PCDHA6: variants seen among roughly 807,000 people sequenced by gnomAD.
PCDHA6 encodes protocadherin alpha 6.
A neutral mutation model predicts 60.3 loss-of-function variants in PCDHA6; 55 were observed. The ratio of observed to expected loss-of-function variants is 0.91; its 90% CI spans 0.73 to 1.14. The LOEUF is 1.14. Ranked by LOEUF, PCDHA6 falls within the 50% of genes most tolerant of loss-of-function variation. The pLI is 0.00. For synonymous variants in PCDHA6, 652 were observed against 557.9 expected (o/e 1.17, Z -2.38); for missense variants, 1,327 against 1,256.5 (o/e 1.06, Z -0.85).
At chr5:140,925,257 C>A (rs1336613869) in intron 1 of PCDHA6, among the ~76,000 whole-genome samples, 2 of 152,110 alleles carry the variant, frequency 1.3e-5, no homozygotes, top group East Asian at 3.8e-4. Context: ...AACTTTAATT[C>A]TTGATCTGTG....
At chr5:140,916,296 G>C (rs2077516868) in intron 1 of PCDHA6, among the ~76,000 whole-genome samples, 1 of 152,094 alleles carries the variant, frequency 6.6e-6, no homozygotes, top group Admixed American at 6.5e-5. Flanking sequence ...TGGCCAAACT[G>C]GTACCAAAGG....
intron 1 of PCDHA6, chr5:140,835,028 C>A (rs2150229925): frequency 7.5e-7 from 1 of 1,326,582 alleles, no homozygotes; most frequent in Non-Finnish European, 1.0e-6. Flanking sequence ...TCACGGCCAC[C>A]GATGGAGGCA....
chr5:140,987,106 C>T (rs113308102), intron 3 of PCDHA6, among the ~76,000 whole-genome samples: 4,830 of 151,440 alleles, frequency 0.032, 263 homozygotes, highest in African/African-American at 0.11. Context: ...CCCAGCTACT[C>T]GGGAGGCTGA....
chr5:140,863,186 TG>T, intron 1 of PCDHA6: 1 of 771,164 alleles, frequency 1.3e-6, no homozygotes, highest in Non-Finnish European at 2.2e-6. Flanking sequence ...ACCGTCACCG[TG>T]GTGGCGTCGC....
intron 1 of PCDHA6, among the ~76,000 whole-genome samples, chr5:140,933,686 C>T (rs186587135): frequency 6.6e-6 from 1 of 151,890 alleles, no homozygotes; most frequent in Non-Finnish European, 1.5e-5. Flanking sequence ...ATTTTTTTTC[C>T]TATTCCTCGG....
At chr5:140,903,321 T>A (rs2070191003) in intron 1 of PCDHA6, among the ~76,000 whole-genome samples, 1 of 152,174 alleles carries the variant, frequency 6.6e-6, no homozygotes, top group Non-Finnish European at 1.5e-5. Flanking sequence ...GACAGCATTT[T>A]TATTGAGGAA....
intron 1 of PCDHA6, among the ~76,000 whole-genome samples, chr5:140,854,934 C>G (rs1363898254): frequency 6.7e-6 from 1 of 149,702 alleles, no homozygotes; most frequent in Non-Finnish European, 1.5e-5. Flanking sequence ...CCTCTGAAAG[C>G]AGAAATAATA....
chr5:140,881,369 T>C (rs2058687376), intron 1 of PCDHA6: 2 of 985,186 alleles, frequency 2.0e-6, no homozygotes, highest in Non-Finnish European at 2.4e-6. Flanking sequence ...TTCGTATGAA[T>C]TGCAGCCGGC....
At chr5:140,985,491 G>C (rs1288786153) in intron 3 of PCDHA6, among the ~76,000 whole-genome samples, 3 of 152,166 alleles carry the variant, frequency 2.0e-5, no homozygotes, top group African/African-American at 7.2e-5. Flanking sequence ...GACTCAAATA[G>C]AGCCTGCCTT....
At chr5:140,835,288 T>G in intron 1 of PCDHA6, 1 of 1,612,190 alleles carries the variant, frequency 6.2e-7, no homozygotes, top group Non-Finnish European at 8.5e-7. Context: ...AGTGGGGCAA[T>G]CACAGTGATA....
At chr5:140,868,420 A>C (rs1554161960) in intron 1 of PCDHA6, 1 of 152,238 alleles carries the variant, frequency 6.6e-6, no homozygotes, top group Non-Finnish European at 1.5e-5. Flanking sequence ...AAGCCCACAG[A>C]GATGAGAATA....
intron 3 of PCDHA6, among the ~76,000 whole-genome samples, chr5:140,997,851 C>T (rs1400770612): frequency 6.6e-6 from 1 of 152,122 alleles, no homozygotes. Flanking sequence ...CATTCTTATA[C>T]ATATTTCTTA....
intron 1 of PCDHA6, among the ~76,000 whole-genome samples, chr5:140,885,376 G>T (rs1242393742): frequency 6.6e-6 from 1 of 152,032 alleles, no homozygotes; most frequent in Non-Finnish European, 1.5e-5. Context: ...AGTACCTTTT[G>T]GCAGTCCCTG....
intron 1 of PCDHA6, among the ~76,000 whole-genome samples, chr5:140,952,230 A>C (rs1177331328): frequency 6.6e-6 from 1 of 151,960 alleles, no homozygotes; most frequent in African/African-American, 2.4e-5. Flanking sequence ...ACAGTGTGCA[A>C]GCTGCTTAGA....
At chr5:140,842,204 A>T (rs2150331715) in intron 1 of PCDHA6, 1 of 1,613,676 alleles carries the variant, frequency 6.2e-7, no homozygotes, top group Non-Finnish European at 8.5e-7. Context: ...CCACTTTAGC[A>T]TAGATCGAAA....
chr5:140,845,764 A>C lies in PCDHA6; in HGVS notation c.2394+15279A>C, dbSNP rs2150380946. 2.6e-4 allele frequency among the ~76,000 whole-genome samples: 39 copies of C among 149,790 alleles called. 2 individuals carry two copies. Among genetic ancestry groups the C allele is most frequent in the African/African-American group, 9.3e-4 (38 of 40,978 alleles). ...TAGATTTATTTGTATCAAGTAAGTT[A>C]ATAGTTATAAATTATTAATAATAAA... On this transcript the variant is annotated intron_variant, in intron 1 of 3. Transcript: ENST00000529310.
intron 1 of PCDHA6, among the ~76,000 whole-genome samples, chr5:140,940,230 T>C (rs1554213224): frequency 6.6e-6 from 1 of 152,212 alleles, no homozygotes; most frequent in Non-Finnish European, 1.5e-5. Flanking sequence ...TTCATTTTGG[T>C]ACATTAAAGT....
chr5:140,959,057 G>A (rs1437392976), intron 1 of PCDHA6, among the ~76,000 whole-genome samples: 1 of 152,092 alleles, frequency 6.6e-6, no homozygotes, highest in Non-Finnish European at 1.5e-5. Context: ...AAAAAATGCA[G>A]TATATATAGA....
intron 3 of PCDHA6, among the ~76,000 whole-genome samples, chr5:140,987,294 C>A (rs1406567852): frequency 6.6e-6 from 1 of 152,004 alleles, no homozygotes; most frequent in Non-Finnish European, 1.5e-5. Context: ...AACAAGCCTT[C>A]TATGTGATAC....
Sources: gnomAD v4.1 joint callset for allele counts (sites outside exome capture counted in the v4.1 genomes callset) on GRCh38, gnomAD v4.1.1 for gene constraint, MANE v1.5 for transcripts, NCBI Gene and HGNC (gene_info 2026-07-23, HGNC 2026-07-21) for gene names.